The following NOX5 variants were observed in gnomAD, a reference collection of about 807,000 sequenced individuals.
NOX5 encodes NADPH oxidase 5.
In NOX5, 76 loss-of-function variants were observed where a neutral mutation model predicts 85.7. The ratio of observed to expected loss-of-function variants is 0.89; its 90% CI spans 0.74 to 1.07. The LOEUF (loss-of-function observed/expected upper bound fraction) is 1.07. Ranked by LOEUF, NOX5 falls within the 50% of genes least tolerant of loss-of-function variation. The pLI is 0.00. For missense variants in NOX5, 973 were observed against 999.5 expected, an observed-to-expected ratio of 0.97 and a Z score of 0.36; for synonymous variants, 405 against 401.4, an observed-to-expected ratio of 1.01 and a Z score of -0.11.
intron 1 of NOX5, chr15:69,023,103 C>T (rs438866): frequency 0.47 from 187,971 of 403,296 alleles, 48,697 homozygotes; most frequent in Non-Finnish European, 0.58. Flanking sequence ...AGACTTCTTC[C>T]TGGGTGTCAT....
At chr15:69,021,732 TCAGTAGC>T (rs1156948608) in intron 1 of NOX5, among the ~76,000 whole-genome samples, 3 of 152,230 alleles carry the variant, frequency 2.0e-5, no homozygotes, top group African/African-American at 7.2e-5. Flanking sequence ...CTCTTGTATT[TCAGTAGC>T]CCTTTCCTTA....
At chr15:69,018,131 C>T (rs575855351) in intron 1 of NOX5, among the ~76,000 whole-genome samples, 12 of 152,098 alleles carry the variant, frequency 7.9e-5, no homozygotes, top group South Asian at 2.1e-4. Context: ...GCCCCAGAGG[C>T]GCCGGTTGCT....
rs768089495 is a variant in NOX5, at chr15:69,047,871, C to T, written c.1859C>T (p.Ser620Phe). Residue 620 changes from serine (S) to phenylalanine (F), a missense_variant, in exon 13 of 16, where the codon TCC (serine) becomes TTC (phenylalanine). Transcript: ENST00000388866. ...CATACTTGCCCCAGCTGCCAGCACT[C>T]CTGGATCGAAGGTGTCCAAGACAAC... ...RKHTCPSCQH[S>F]WIEGVQDNMK... 1 of 1,614,168 alleles carries T rather than the reference C, an allele frequency of 6.2e-7. No homozygotes were observed. The highest frequency in any genetic ancestry group is 2.2e-5 in the East Asian group (1 of 44,862).
chr15:69,049,159 T>C (rs897319521), intron 14 of NOX5, 101 bp downstream of exon 14: 2 of 655,382 alleles, frequency 3.1e-6, no homozygotes, highest in Non-Finnish European at 4.9e-6. Flanking sequence ...TAACCTAAAA[T>C]GAACCATTTA....
chr15:69,017,711 G>A (rs566699692), intron 1 of NOX5, among the ~76,000 whole-genome samples: 4 of 151,958 alleles, frequency 2.6e-5, no homozygotes, highest in African/African-American at 4.8e-5. Context: ...TTGGTCACTC[G>A]TATTTGGCTC....
At chr15:69,026,407 G>A (rs983147285) in intron 1 of NOX5, 121 bp from the exon 2 acceptor site, 20 of 1,239,352 alleles carry the variant, frequency 1.6e-5, no homozygotes, top group South Asian at 7.1e-5. Context: ...TGATTGACCC[G>A]ATTCAACTCA....
rs900336435 is a variant in NOX5, at chr15:69,038,972, G to A, written c.1487G>A (p.Ser496Asn). Residue 496 changes from serine (S) to asparagine (N), a missense_variant, in exon 9 of 16, where the codon AGT becomes AAT. Physicochemically the swap from Ser to Asn is conservative, Grantham distance 46 (BLOSUM62 1). Transcript: ENST00000388866. ...RYEWHPFTIS[S>N]APEQKDTIWL... Reference sequence around the variant, plus strand: ...GAGTGGCACCCCTTCACCATCAGCAGTGCTCCTGAGCAGAAAGGTAATGGC... The same window carrying A: ...GAGTGGCACCCCTTCACCATCAGCAATGCTCCTGAGCAGAAAGGTAATGGC... 10 of 1,613,944 alleles carry A rather than the reference G, an allele frequency of 6.2e-6. No individual in the cohort carries two copies. The African/African-American group carries it at 1.2e-4, about 19-fold the overall frequency.
intron 10 of NOX5, 46 bp from the exon 11 acceptor site, chr15:69,046,774 AAC>A: frequency 6.3e-7 from 1 of 1,575,028 alleles, no homozygotes; most frequent in Non-Finnish European, 8.7e-7. Context: ...AGAAATCCCT[AAC>A]ACTGTCCATT....
In NOX5 at chr15:69,032,941, G is replaced by C. The variant is rs2140259502; in HGVS notation, c.621-102G>C. The C allele has an allele frequency of 6.9e-6, 10 of 1,458,706 alleles. No individual in the cohort carries two copies. The South Asian group carries it at 1.2e-4, about 17-fold the overall frequency. 90.4% of individuals were successfully genotyped at this position (1,458,706 alleles called of 1,614,324 possible). ...TGGTGTGAAGAAAGCCGGCCTGCTT[G>C]CCAGACTTGGTCGGCCATAGCTTGA... On this transcript the variant is annotated intron_variant, in intron 4 of 15. Transcript: ENST00000388866.
chr15:69,022,022 A>G (rs2050301359), intron 1 of NOX5, among the ~76,000 whole-genome samples: 1 of 152,184 alleles, frequency 6.6e-6, no homozygotes, highest in African/African-American at 2.4e-5. Flanking sequence ...TATTAAGTGG[A>G]AGCTGCTTCT....
Position 69,031,923 on chromosome 15 carries a change from G to T in NOX5, c.620+111G>T, listed in dbSNP as rs2050440541. The T allele has an allele frequency of 4.5e-5, 50 of 1,121,134 alleles. 2 individuals are homozygous for T. The South Asian group carries it at 7.8e-4, about 17-fold the overall frequency. The allele number at this position is 1,121,134 out of a possible 1,614,324, so 69.4% of individuals were successfully genotyped here. On this transcript the variant is annotated intron_variant, in intron 4 of 15. Coordinates refer to ENST00000388866, the MANE Select transcript of NOX5 (RefSeq NM_024505.4). The stretch of plus-strand genomic sequence containing the variant: ...ACTCTGCCCTACCCCGCCCTGCCCC[G>T]CCCCTCCCCAGTTTAGCCCACTCTT...
intron 9 of NOX5, 69 bp downstream of exon 9, chr15:69,039,058 T>C: frequency 6.4e-7 from 1 of 1,557,014 alleles, no homozygotes; most frequent in Non-Finnish European, 8.8e-7. Context: ...AAGTACAGGC[T>C]GGAAACTCGG....
rs549285648 is a variant in NOX5, at chr15:69,052,061, T to C, written c.1999+3003T>C. Among the ~76,000 whole-genome samples, 20 of 152,138 alleles carry C rather than the reference T, an allele frequency of 1.3e-4. No homozygotes were observed. The East Asian group carries it at 3.3e-3, about 25-fold the overall frequency. On this transcript the variant is annotated intron_variant, in intron 14 of 15. Coordinates refer to ENST00000388866, the MANE Select transcript of NOX5 (RefSeq NM_024505.4). ...ATGCTGTCTCTACAAAAAATGTTTTTTAAAAAACTAGCTAGGCATGGTGGT... is the reference window on the plus strand; with the variant it reads ...ATGCTGTCTCTACAAAAAATGTTTTCTAAAAAACTAGCTAGGCATGGTGGT...
rs1002651227 is a variant in NOX5 at position 69,059,990 on chromosome 15, G to T, written c.*3294G>T. On this transcript the variant is annotated 3_prime_UTR_variant, in exon 16 of 16. Coordinates refer to ENST00000388866, the MANE Select transcript of NOX5 (RefSeq NM_024505.4). The stretch of plus-strand genomic sequence containing the variant: ...GATGTCGGTTCCTCCCAGGGCAAGG[G>T]GTTACTTAAATGGAATTATCCTTAC... The T allele has an allele frequency of 2.0e-5, 3 of 152,126 alleles. No individual in the cohort carries two copies. The highest frequency in any genetic ancestry group is 2.0e-4 in the Admixed American group (3 of 15,282). The allele number at this position is 152,126 out of a possible 1,614,324, so 9.4% of individuals were successfully genotyped here.
intron 14 of NOX5, among the ~76,000 whole-genome samples, chr15:69,052,389 CA>C (rs1177282236): frequency 6.6e-6 from 1 of 152,146 alleles, no homozygotes; most frequent in Non-Finnish European, 1.5e-5. Flanking sequence ...CTTCATGGGA[CA>C]TCTTTGTGGA....
At chr15:69,038,477 G>C (rs1357647987) in intron 8 of NOX5, 1 of 296,564 alleles carries the variant, frequency 3.4e-6, no homozygotes, top group Non-Finnish European at 6.4e-6. Flanking sequence ...TCCAAGGAGA[G>C]ATGCCCATTG....
At chr15:69,026,366 G>A (rs1217995286) in intron 1 of NOX5, among the ~76,000 whole-genome samples, 162 bp from the exon 2 acceptor site, 1 of 152,162 alleles carries the variant, frequency 6.6e-6, no homozygotes, top group Non-Finnish European at 1.5e-5. Context: ...AGGAGAAACG[G>A]CTGTGGGAAG....
chr15:69,038,943 C>T lies in NOX5; in HGVS notation c.1458C>T (p.Arg486=), dbSNP rs762144306. The T allele has an allele frequency of 6.2e-7, 1 of 1,614,152 alleles. No homozygotes were observed. The highest frequency in any genetic ancestry group is 2.2e-5 in the East Asian group (1 of 44,878). The part of the protein sequence containing the change: ...YLYLNIPTIA[R]YEWHPFTISS... ...ATCTGAACATCCCCACCATTGCTCGCTATGAGTGGCACCCCTTCACCATCA... is the reference window on the plus strand; with the variant it reads ...ATCTGAACATCCCCACCATTGCTCGTTATGAGTGGCACCCCTTCACCATCA... The change falls in exon 9 of 16, where the codon CGC becomes CGT. Residue 486 remains arginine, a synonymous_variant. Transcript: ENST00000388866.
Position 69,033,185 on chromosome 15 carries a change from C to A in NOX5, c.763C>A (p.Leu255Met). Residue 255 changes from leucine to methionine, a missense_variant, in exon 5 of 16, where the codon CTG becomes ATG. Transcript: ENST00000388866. Reference protein sequence around the residue: ...YAGLHVLLFGLAASAHRDLGA... With the variant: ...YAGLHVLLFGMAASAHRDLGA... ...AGGCCTCCACGTGCTGCTCTTCGGG[C>A]TGGCGGCCAGCGCGCACCGGGACCT... The A allele has an allele frequency of 2.5e-6, 4 of 1,591,458 alleles. No homozygotes were observed. The highest frequency in any genetic ancestry group is 1.1e-5 in the South Asian group (1 of 88,808).
Sources: allele counts gnomAD v4.1 joint callset (sites outside exome capture counted in the v4.1 genomes callset), GRCh38; gene constraint gnomAD v4.1.1; transcripts MANE v1.5; gene names NCBI Gene and HGNC (gene_info 2026-07-23, HGNC 2026-07-21).